ROBO2: variants seen among roughly 807,000 people sequenced by gnomAD.
ROBO2 encodes roundabout guidance receptor 2.
In ROBO2, 53 loss-of-function variants were observed where a neutral mutation model predicts 160.8. The ratio of observed to expected loss-of-function variants is 0.33; its 90% CI spans 0.26 to 0.41. The LOEUF is 0.41. ROBO2 is among the 10% of genes least tolerant of loss of function. The pLI, the probability that ROBO2 is intolerant of heterozygous loss-of-function variation, is 1.00. For missense variants in ROBO2, 1,577 were observed against 1,722.4 expected (o/e 0.92, Z 1.49); for synonymous variants, 664 against 611.7 (o/e 1.09, Z -1.26).
intron 2 of ROBO2, among the ~76,000 whole-genome samples, chr3:76,200,147 A>G (rs150803484): frequency 1.4e-3 from 216 of 152,272 alleles, no homozygotes; most frequent in South Asian, 9.1e-3. Context: ...ACACATACAC[A>G]TGGGAGCATT....
chr3:76,013,471 G>A (rs2066275358), intron 2 of ROBO2, among the ~76,000 whole-genome samples: 1 of 150,410 alleles, frequency 6.6e-6, no homozygotes, highest in African/African-American at 2.4e-5. Context: ...TGTGGCTTAT[G>A]CATGTAATCC....
intron 1 of ROBO2, among the ~76,000 whole-genome samples, chr3:75,930,992 A>C (rs191233141): frequency 2.0e-3 from 306 of 151,962 alleles, no homozygotes; most frequent in African/African-American, 7.1e-3. Flanking sequence ...TCAGTTTCCA[A>C]CTCTCCCGCT....
chr3:75,960,047 C>T (rs1386120629), intron 2 of ROBO2, among the ~76,000 whole-genome samples: 2 of 151,610 alleles, frequency 1.3e-5, no homozygotes, highest in East Asian at 2.0e-4. Flanking sequence ...TGAGGAGATG[C>T]GAGCACCCTC....
chr3:76,992,346 TATATATATATATATATATATATA>T lies in ROBO2; in HGVS notation c.110-105666_110-105644del, dbSNP rs1269360669. ...ATTACTATATATATATATATATATATATATATATATATATATATATATAAATTTAGCTTTTGTAAAAAAAAAGT... is the reference window on the plus strand; with the variant it reads ...ATTACTATATATATATATATATATATAATTTAGCTTTTGTAAAAAAAAAGT... On this transcript the variant is annotated intron_variant, in intron 2 of 26. Coordinates refer to the ROBO2 transcript ENST00000487694. Among the ~76,000 whole-genome samples, 163 of 133,282 alleles carry T rather than the reference TATATATATATATATATATATATA, an allele frequency of 1.2e-3. 1 individual carries two copies. Among genetic ancestry groups the T allele is most frequent in the Middle Eastern group, 3.9e-3 (1 of 254 alleles). 87.4% of individuals were successfully genotyped at this position (133,282 alleles called of 152,430 possible). A position where few individuals can be genotyped will look rare whatever the true frequency, so the allele number is the denominator to read the frequency against.
chr3:76,592,509 C>A (rs2086476105), intron 2 of ROBO2, among the ~76,000 whole-genome samples: 2 of 152,106 alleles, frequency 1.3e-5, no homozygotes, highest in Non-Finnish European at 1.5e-5. Flanking sequence ...ATGTAATTCT[C>A]AGATAATAAC....
At chr3:77,544,057 T>C (rs959349041) in intron 6 of ROBO2, among the ~76,000 whole-genome samples, 1 of 151,430 alleles carries the variant, frequency 6.6e-6, no homozygotes, top group Non-Finnish European at 1.5e-5. Flanking sequence ...AACTTTTTCA[T>C]AACAAATATA....
At chr3:76,925,331 T>C (rs1004096942) in intron 2 of ROBO2, among the ~76,000 whole-genome samples, 7 of 152,170 alleles carry the variant, frequency 4.6e-5, no homozygotes, top group Non-Finnish European at 7.3e-5. Flanking sequence ...GATTTGCCTT[T>C]GGGATACTTC....
chr3:76,780,284 G>T (rs34570844), intron 2 of ROBO2, among the ~76,000 whole-genome samples: 47,347 of 149,900 alleles, frequency 0.32, 9,177 homozygotes, highest in Non-Finnish European at 0.43. Context: ...GTTTTGTTTA[G>T]TTGTGATTCA....
intron 1 of ROBO2, among the ~76,000 whole-genome samples, chr3:75,911,778 G>T (rs1273480456): frequency 6.6e-6 from 1 of 151,688 alleles, no homozygotes; most frequent in East Asian, 2.0e-4. Flanking sequence ...GGATGGTCTC[G>T]ATCTCCTGAC....
intron 2 of ROBO2, among the ~76,000 whole-genome samples, chr3:76,191,217 A>G (rs964007109): frequency 2.0e-5 from 3 of 152,164 alleles, no homozygotes; most frequent in Non-Finnish European, 4.4e-5. Flanking sequence ...AGGCTTAAAT[A>G]TTACACTGAA....
At chr3:76,081,409 GAA>G (rs1559895894) in intron 2 of ROBO2, among the ~76,000 whole-genome samples, 1 of 152,018 alleles carries the variant, frequency 6.6e-6, no homozygotes, top group African/African-American at 2.4e-5. Context: ...AAAGAATAGT[GAA>G]AAGAGTAATA....
rs150387426 is a variant in ROBO2 at position 76,787,893 on chromosome 3, C to T, written c.110-310121C>T. Among the ~76,000 whole-genome samples the T allele has an allele frequency of 3.3e-3, 503 of 151,420 alleles. 2 individuals are homozygous for T. The highest frequency in any genetic ancestry group is 0.011 in the African/African-American group (472 of 41,408). On this transcript the variant is annotated intron_variant, in intron 2 of 26. Transcript: ENST00000487694. ...GTATCTTAATTGCTTTTACAACAAC[C>T]CATCATGATATTAGTATTACGTATA...
At chr3:77,102,617 G>A (rs2072124760) in intron 2 of ROBO2, among the ~76,000 whole-genome samples, 1 of 151,936 alleles carries the variant, frequency 6.6e-6, no homozygotes, top group Non-Finnish European at 1.5e-5. Flanking sequence ...TTTCAAAAAT[G>A]TTCGATTCTA....
chr3:76,005,377 G>A (rs567727101), intron 2 of ROBO2, among the ~76,000 whole-genome samples: 2 of 152,320 alleles, frequency 1.3e-5, no homozygotes, highest in East Asian at 3.9e-4. Flanking sequence ...TACAGCTTGA[G>A]CCTTCTGTGA....
chr3:77,336,943 C>T (rs143171640), intron 2 of ROBO2, among the ~76,000 whole-genome samples: 1 of 152,210 alleles, frequency 6.6e-6, no homozygotes, highest in African/African-American at 2.4e-5. Context: ...TTGCTAAATT[C>T]GGTATATGTC....
At chr3:77,649,938 A>AAAAAT (rs1427252099) in exon 26 of ROBO2, 1 of 152,182 alleles carries the variant, frequency 6.6e-6, no homozygotes, top group Non-Finnish European at 1.5e-5. Flanking sequence ...CTCACTGGGA[A>AAAAAT]AAAATAAAAT....
chr3:76,466,661 A>G (rs2078377837), intron 2 of ROBO2, among the ~76,000 whole-genome samples: 1 of 151,988 alleles, frequency 6.6e-6, no homozygotes, highest in South Asian at 2.1e-4. Context: ...ATCATTTCCT[A>G]TCAGAAAGCT....
chr3:76,197,645 TA>T (rs1304773090), intron 2 of ROBO2, among the ~76,000 whole-genome samples: 1 of 152,176 alleles, frequency 6.6e-6, no homozygotes, highest in African/African-American at 2.4e-5. Flanking sequence ...GTAGTGAAGG[TA>T]TTTTTTTAAC....
At position 75,957,942 on chromosome 3, in the gene ROBO2, C is replaced by T. The variant is rs1316258178; in HGVS notation, c.109+20340C>T. On this transcript the variant is annotated intron_variant, in intron 2 of 26. Coordinates refer to the ROBO2 transcript ENST00000487694. ...TCTCTCTTTTTAACTGATGTGTTCA[C>T]CCTCAGATTTGTTGTCATTTAGAAG... 5.3e-5 allele frequency among the ~76,000 whole-genome samples: 8 copies of T among 151,562 alleles called. No homozygotes were observed. In the Admixed American group the frequency reaches 5.3e-4, roughly 10 times the overall value.
Sources: gnomAD v4.1 joint callset for allele counts (sites outside exome capture counted in the v4.1 genomes callset) on GRCh38, gnomAD v4.1.1 for gene constraint, MANE v1.5 for transcripts, NCBI Gene and HGNC (gene_info 2026-07-23, HGNC 2026-07-21) for gene names.